Variants in LYRM4 observed in about 807,000 individuals in gnomAD.
LYRM4 encodes the protein LYR motif-containing protein 4.
Under a neutral mutation model 11.7 loss-of-function variants are expected in LYRM4, and 9 were observed. The ratio of observed to expected loss-of-function variants is 0.77; its 90% CI spans 0.46 to 1.34. The LOEUF (loss-of-function observed/expected upper bound fraction) is 1.34, where lower values mean the gene tolerates loss of function less well. LYRM4 is among the 40% of genes most tolerant of loss of function. The pLI is 0.00. For synonymous variants in LYRM4, 42 were observed against 40.4 expected (o/e 1.04, Z -0.15); for missense variants, 133 against 112.5 (o/e 1.18, Z -0.82).
At chr6:5,226,868 A>C (rs944002093) in intron 1 of LYRM4, among the ~76,000 whole-genome samples, 2 of 152,198 alleles carry the variant, frequency 1.3e-5, no homozygotes, top group Non-Finnish European at 2.9e-5. Flanking sequence ...TAAAGTTCCT[A>C]TTGATATAAT....
At chr6:5,068,264 C>T in the LYRM4 span, among the ~76,000 whole-genome samples, 8 of 152,314 alleles carry the variant, frequency 5.3e-5, no homozygotes, top group South Asian at 4.2e-4. This position sits in a 1 kb window ranked among gnomAD's most constrained non-coding sequence, Gnocchi z 4.0. Flanking sequence ...AACCATCGTC[C>T]GCTGGGGAGC....
rs148097267 is a variant in LYRM4, at chr6:5,203,370, T to C, written c.207+13248A>G. 4.0e-3 allele frequency among the ~76,000 whole-genome samples: 603 copies of C among 152,304 alleles called. 3 individuals carry two copies. The highest frequency in any genetic ancestry group is 6.8e-3 in the Middle Eastern group (2 of 294). ...TCTGCTGCCTGGGACAGCTGCTTGG[T>C]AGGCCTCCTAATGGCTCCTGGTCCT... is the stretch of plus-strand genomic sequence containing the variant. On this transcript the variant is annotated intron_variant, in intron 2 of 2. Coordinates refer to ENST00000330636, the MANE Select transcript of LYRM4 (RefSeq NM_020408.6).
At chr6:5,210,289 G>C (rs968108817) in intron 2 of LYRM4, among the ~76,000 whole-genome samples, 1 of 152,076 alleles carries the variant, frequency 6.6e-6, no homozygotes, top group Non-Finnish European at 1.5e-5. Flanking sequence ...TTGAACCATG[G>C]GATTTTAGAA....
At chr6:5,198,802 C>T (rs2746227) in intron 2 of LYRM4, among the ~76,000 whole-genome samples, 3 of 152,156 alleles carry the variant, frequency 2.0e-5, no homozygotes, top group Non-Finnish European at 2.9e-5. Flanking sequence ...ACTAGGTCAA[C>T]GTTAGCCTTC....
the LYRM4 span, among the ~76,000 whole-genome samples, chr6:5,076,842 A>G: frequency 6.6e-6 from 1 of 152,234 alleles, no homozygotes; most frequent in African/African-American, 2.4e-5. Flanking sequence ...TCACACGATC[A>G]CGCCAAGGAC....
At chr6:5,257,256 C>A (rs562894554) in intron 1 of LYRM4, among the ~76,000 whole-genome samples, 1 of 152,254 alleles carries the variant, frequency 6.6e-6, no homozygotes, top group Admixed American at 6.5e-5. Flanking sequence ...TCACCGCCCC[C>A]CCAACCCCAT....
intron 1 of LYRM4, among the ~76,000 whole-genome samples, chr6:5,224,383 C>A (rs943995006): frequency 6.6e-6 from 1 of 152,146 alleles, no homozygotes; most frequent in African/African-American, 2.4e-5. Flanking sequence ...AAATTACCTG[C>A]AGTTTTTGAA....
At chr6:5,047,663 T>C in the LYRM4 span, among the ~76,000 whole-genome samples, 8 of 152,208 alleles carry the variant, frequency 5.3e-5, no homozygotes, top group African/African-American at 1.7e-4. Flanking sequence ...GTAACTAATA[T>C]AAATCTGGGA....
the LYRM4 span, among the ~76,000 whole-genome samples, chr6:5,096,337 A>G: frequency 2.0e-5 from 3 of 152,012 alleles, no homozygotes; most frequent in Admixed American, 6.6e-5. Flanking sequence ...AAAAAATTTA[A>G]AAATTAGCTG....
intron 2 of LYRM4, among the ~76,000 whole-genome samples, chr6:5,138,183 T>C (rs950905287): frequency 5.3e-5 from 8 of 152,110 alleles, no homozygotes; most frequent in African/African-American, 1.9e-4. Context: ...CAAGATTTTA[T>C]ATATAGAAGA....
chr6:5,065,323 A>AT, the LYRM4 span, among the ~76,000 whole-genome samples: 3 of 152,070 alleles, frequency 2.0e-5, no homozygotes, highest in South Asian at 4.1e-4. Context: ...ATTTATTTTT[A>AT]TTTAAAATAT....
chr6:5,117,207 A>C (rs1189387699), intron 2 of LYRM4, among the ~76,000 whole-genome samples: 1 of 152,258 alleles, frequency 6.6e-6, no homozygotes, highest in East Asian at 1.9e-4. Flanking sequence ...ACCTGGCAAG[A>C]GCCTGCTAAG....
intron 2 of LYRM4, among the ~76,000 whole-genome samples, chr6:5,180,615 C>A (rs1271817006): frequency 1.3e-5 from 2 of 152,236 alleles, no homozygotes; most frequent in Non-Finnish European, 2.9e-5. Flanking sequence ...TGCTCTTCCT[C>A]AACATGATCT....
intron 2 of LYRM4, among the ~76,000 whole-genome samples, chr6:5,139,304 A>G (rs1757279165): frequency 6.6e-6 from 1 of 152,242 alleles, no homozygotes; most frequent in Admixed American, 6.5e-5. Context: ...CATGGTGAGC[A>G]TATCATATCC....
At chr6:5,045,941 G>C in the LYRM4 span, among the ~76,000 whole-genome samples, 3 of 152,180 alleles carry the variant, frequency 2.0e-5, no homozygotes, top group Non-Finnish European at 4.4e-5. Context: ...AACTAAAAGA[G>C]CAGGACATCG....
At chr6:5,240,056 C>A (rs1298412925) in intron 1 of LYRM4, among the ~76,000 whole-genome samples, 4 of 152,130 alleles carry the variant, frequency 2.6e-5, no homozygotes, top group Non-Finnish European at 5.9e-5. Context: ...GTAAACAGGG[C>A]AAAATAAGAC....
intron 2 of LYRM4, among the ~76,000 whole-genome samples, chr6:5,119,093 A>G (rs1763281602): frequency 6.6e-6 from 1 of 151,942 alleles, no homozygotes; most frequent in Non-Finnish European, 1.5e-5. Context: ...CCCAGTACAC[A>G]CTCCATCTCC....
At chr6:5,049,321 C>G in the LYRM4 span, among the ~76,000 whole-genome samples, 1 of 152,180 alleles carries the variant, frequency 6.6e-6, no homozygotes, top group South Asian at 2.1e-4. Context: ...TCTGAAGGCA[C>G]TGCCAAATTA....
chr6:5,224,627 G>A (rs1309121988), intron 1 of LYRM4, among the ~76,000 whole-genome samples: 2 of 152,152 alleles, frequency 1.3e-5, no homozygotes, highest in Non-Finnish European at 1.5e-5. Flanking sequence ...CAATAATAGA[G>A]AATTGGCTAC....
Sources: allele counts gnomAD v4.1 joint callset (sites outside exome capture counted in the v4.1 genomes callset), GRCh38; gene constraint gnomAD v4.1.1; non-coding constraint Gnocchi (gnomAD v3.1); transcripts MANE v1.5; gene names NCBI Gene and HGNC (gene_info 2026-07-23, HGNC 2026-07-21).